Variants in NT5C3A observed in about 807,000 individuals in gnomAD.
The protein encoded by NT5C3A is 5'-nucleotidase, cytosolic IIIA, also known as cytosolic 5'-nucleotidase 3A.
In NT5C3A, 23 loss-of-function variants were observed where a neutral mutation model predicts 40.0. The ratio of observed to expected loss-of-function variants is 0.58; its 90% CI spans 0.41 to 0.81. The LOEUF (loss-of-function observed/expected upper bound fraction) is 0.81, where lower values mean the gene tolerates loss of function less well. Among genes scored for constraint, NT5C3A ranks in the 40% least tolerant of loss-of-function variants. The pLI, the probability that NT5C3A is intolerant of heterozygous loss-of-function variation, is 0.00. For missense variants in NT5C3A, 328 were observed against 403.0 expected, an observed-to-expected ratio of 0.81 and a Z score of 1.59; for synonymous variants, 130 against 141.4, an observed-to-expected ratio of 0.92 and a Z score of 0.57.
At position 33,014,638 on chromosome 7, in the gene NT5C3A, A is replaced by C. The variant is rs772935558; in HGVS notation, c.*92T>G. On this transcript the variant is annotated 3_prime_UTR_variant, in exon 9 of 9. Coordinates refer to ENST00000610140, the MANE Select transcript of NT5C3A (RefSeq NM_001002010.5). ...ATACAAAGGGAACACTTCGAGAGTA[A>C]GGATATATTATAAATAAGTCTCTCA... 1.3e-6 allele frequency: 2 copies of C among 1,550,590 alleles called. No homozygotes were observed. Among genetic ancestry groups the C allele is most frequent in the South Asian group, 2.3e-5 (2 of 87,174 alleles).
chr7:33,023,792 A>G (rs1030998221), intron 3 of NT5C3A: 4 of 494,896 alleles, frequency 8.1e-6, no homozygotes, highest in African/African-American at 3.9e-5. Context: ...TAATGAATAG[A>G]CCATATTTGG....
At chr7:33,020,973 C>T (rs985853163) in intron 5 of NT5C3A, among the ~76,000 whole-genome samples, 3 of 128,480 alleles carry the variant, frequency 2.3e-5, no homozygotes, top group African/African-American at 6.1e-5. Flanking sequence ...TTTCTTTACA[C>T]ATTAAGCCAC....
In NT5C3A at chr7:33,014,603, T is replaced by C. The variant is rs1209381681; in HGVS notation, c.*127A>G. ...TCAATGCATTCACCATATCTGAAAA[T>C]ACTTCAGTTATACAAAGGGAACACT... is the stretch of plus-strand genomic sequence containing the variant. On this transcript the variant is annotated 3_prime_UTR_variant, in exon 9 of 9. Coordinates refer to ENST00000610140, the MANE Select transcript of NT5C3A (RefSeq NM_001002010.5). 1 of 1,374,348 alleles carries C rather than the reference T, an allele frequency of 7.3e-7. No homozygotes were observed. The highest frequency in any genetic ancestry group is 2.0e-5 in the Admixed American group (1 of 50,044). The allele number at this position is 1,374,348 out of a possible 1,614,324, so 85.1% of individuals were successfully genotyped here.
At chr7:33,050,202 A>T (rs1787313014) in intron 1 of NT5C3A, among the ~76,000 whole-genome samples, 1 of 152,160 alleles carries the variant, frequency 6.6e-6, no homozygotes, top group South Asian at 2.1e-4. Flanking sequence ...ATACTTGGTC[A>T]ACGTAGGCAC....
chr7:33,017,408 A>T, intron 7 of NT5C3A, 31 bp downstream of exon 7: 1 of 1,501,426 alleles, frequency 6.7e-7, no homozygotes, highest in Non-Finnish European at 9.2e-7. Flanking sequence ...TTCAGATTTT[A>T]AAATTATGAA....
intron 1 of NT5C3A, chr7:33,039,007 T>A: frequency 2.4e-6 from 1 of 422,218 alleles, no homozygotes; most frequent in South Asian, 1.7e-5. Context: ...AACTGGAAAA[T>A]AATTACTTTG....
intron 1 of NT5C3A, among the ~76,000 whole-genome samples, chr7:33,050,277 A>G (rs1787316391): frequency 6.6e-6 from 1 of 152,202 alleles, no homozygotes; most frequent in Non-Finnish European, 1.5e-5. Flanking sequence ...CCCAAATGGG[A>G]GTCAGTTTCT....
chr7:33,055,979 T>C (rs1441305106), intron 1 of NT5C3A, among the ~76,000 whole-genome samples: 1 of 152,002 alleles, frequency 6.6e-6, no homozygotes, highest in African/African-American at 2.4e-5. Context: ...GCATAATGGC[T>C]CATGCCTATA....
chr7:33,044,607 T>C (rs559280816), intron 1 of NT5C3A, among the ~76,000 whole-genome samples: 8 of 152,302 alleles, frequency 5.3e-5, no homozygotes, highest in African/African-American at 1.9e-4. Flanking sequence ...GCACAGCACT[T>C]GTACAGAATT....
intron 4 of NT5C3A, 134 bp downstream of exon 4, chr7:33,021,919 G>C (rs1785646842): frequency 5.9e-6 from 4 of 678,286 alleles, no homozygotes; most frequent in Admixed American, 4.5e-5. Flanking sequence ...TATTTACTGA[G>C]TGCTTACTAT....
chr7:33,058,648 G>A (rs1411458005), intron 1 of NT5C3A, among the ~76,000 whole-genome samples: 1 of 152,180 alleles, frequency 6.6e-6, no homozygotes, highest in Non-Finnish European at 1.5e-5. Context: ...GCCGCGCCTG[G>A]CCCAGAGTAG....
chr7:33,015,969 T>C (rs1052176865), intron 7 of NT5C3A, 99 bp from the exon 8 acceptor site: 2 of 794,240 alleles, frequency 2.5e-6, no homozygotes, highest in Non-Finnish European at 4.3e-6. Context: ...TATTTCATCA[T>C]ATTTGTAAAT....
At chr7:33,060,825 T>C (rs562175814) in intron 1 of NT5C3A, among the ~76,000 whole-genome samples, 9 of 152,326 alleles carry the variant, frequency 5.9e-5, no homozygotes, top group African/African-American at 2.2e-4. Context: ...CAAATACTTC[T>C]TCCACTTGAA....
chr7:33,061,336 A>G (rs1787768418), intron 1 of NT5C3A, among the ~76,000 whole-genome samples: 1 of 152,248 alleles, frequency 6.6e-6, no homozygotes, highest in East Asian at 1.9e-4. Flanking sequence ...ACCCTTTAAG[A>G]ATAAATTAAT....
intron 2 of NT5C3A, among the ~76,000 whole-genome samples, chr7:33,025,526 AAC>A (rs988865399): frequency 8.1e-4 from 123 of 152,340 alleles, no homozygotes; most frequent in African/African-American, 2.6e-3. Flanking sequence ...ATTCCTTTAA[AAC>A]AGAGACAACT....
chr7:33,058,641 G>A (rs545091171), intron 1 of NT5C3A, among the ~76,000 whole-genome samples: 2 of 152,180 alleles, frequency 1.3e-5, no homozygotes, highest in Non-Finnish European at 2.9e-5. Flanking sequence ...GGGAGCCGCC[G>A]CGCCTGGCCC....
chr7:33,039,562 G>GTTTTTTTTTTTTTT (rs770430109), intron 1 of NT5C3A, among the ~76,000 whole-genome samples: 3 of 120,506 alleles, frequency 2.5e-5, no homozygotes, highest in East Asian at 2.3e-4. Context: ...TGGGTTTTTT[G>GTTTTTTTTTTTTTT]TTTTTTTTTT....
chr7:33,015,630 A>C, intron 8 of NT5C3A, 40 bp downstream of exon 8: 1 of 1,315,676 alleles, frequency 7.6e-7, no homozygotes, highest in Non-Finnish European at 1.1e-6. Flanking sequence ...GTTTCATCCT[A>C]ATATTTTCTT....
Position 33,026,701 on chromosome 7 carries a change from C to A in NT5C3A, c.237+116G>T, listed in dbSNP as rs996400171. ...TAGAGATGGGGTCTCACTATGTTGC[C>A]CAGGCTGGTCTCGAACTCCTGGGCT... On this transcript the variant is annotated intron_variant, in intron 2 of 8. Transcript: ENST00000610140. 3.3e-5 allele frequency: 24 copies of A among 727,910 alleles called. No homozygotes were observed. The African/African-American group carries it at 3.5e-4, about 11-fold the overall frequency. 45.1% of individuals were successfully genotyped at this position (727,910 alleles called of 1,614,324 possible).
Sources: gnomAD v4.1 joint callset for allele counts (sites outside exome capture counted in the v4.1 genomes callset) on GRCh38, gnomAD v4.1.1 for gene constraint, MANE v1.5 for transcripts, NCBI Gene and HGNC (gene_info 2026-07-23, HGNC 2026-07-21) for gene names.